IL15RA: variants seen among roughly 807,000 people sequenced by gnomAD.
IL15RA encodes the protein interleukin 15 receptor subunit alpha.
Under a neutral mutation model 24.2 loss-of-function variants are expected in IL15RA, and 26 were observed. The ratio of observed to expected loss-of-function variants is 1.07; its 90% CI spans 0.79 to 1.49. The LOEUF (loss-of-function observed/expected upper bound fraction) is 1.49. IL15RA is among the 40% of genes most tolerant of loss of function. IL15RA has a pLI of 0.00. For missense variants in IL15RA, 354 were observed against 356.4 expected (o/e 0.99, Z 0.05); for synonymous variants, 166 against 157.6 (o/e 1.05, Z -0.40).
Position 5,961,827 on chromosome 10 carries a change from G to T in IL15RA, c.383-1260C>A, listed in dbSNP as rs531356997. Among the ~76,000 whole-genome samples the T allele has an allele frequency of 6.6e-6, 1 of 152,354 alleles. No individual in the cohort carries two copies. The highest frequency in any genetic ancestry group is 2.1e-4 in the South Asian group (1 of 4,832). On this transcript the variant is annotated intron_variant, in intron 3 of 6. Transcript: ENST00000379977. This position sits in a 1 kb window ranked among gnomAD's most constrained non-coding sequence, Gnocchi z 5.2. Reference sequence around the variant, plus strand: ...GCTGTGGCTCTCTGGACGCACTGTTGTTGCCGCGTTCCCATGGTCTCCCAG... The same window carrying T: ...GCTGTGGCTCTCTGGACGCACTGTTTTTGCCGCGTTCCCATGGTCTCCCAG...
chr10:5,963,701 G>T lies in IL15RA; in HGVS notation c.382+42C>A. 4 of 1,312,654 alleles carry T rather than the reference G, an allele frequency of 3.0e-6. No homozygotes were observed. The highest frequency in any genetic ancestry group is 4.1e-6 in the Non-Finnish European group (4 of 970,476). 81.3% of individuals were successfully genotyped at this position (1,312,654 alleles called of 1,614,324 possible). On this transcript the variant is annotated intron_variant, in intron 3 of 6. Transcript: ENST00000379977. The surrounding 1 kb of genome is among the most constrained non-coding windows in gnomAD (Gnocchi z 5.3). ...ATTGGTGAGCGGGCCTCTGGGTGTT[G>T]GGAGGGAATGAATGTCCTCGAGAAG... is the stretch of plus-strand genomic sequence containing the variant.
intron 1 of IL15RA, chr10:5,969,034 G>A: frequency 1.4e-6 from 2 of 1,464,702 alleles, no homozygotes; most frequent in Non-Finnish European, 1.8e-6. Flanking sequence ...TGTATTGTGT[G>A]TGTTTCTGGC....
chr10:5,966,312 A>G lies in IL15RA; in HGVS notation c.116T>C (p.Val39Ala), dbSNP rs756209755. 5 of 1,611,656 alleles carry G rather than the reference A, an allele frequency of 3.1e-6. No homozygotes were observed. The highest frequency in any genetic ancestry group is 4.2e-6 in the Non-Finnish European group (5 of 1,177,966). ...CTTGACCCAGATGTCTGCGTGTTCC[A>G]CGGACATGGGGGGAGGGCACGTGAT... Reference protein sequence around the residue: ...RGITCPPPMSVEHADIWVKSY... With the variant: ...RGITCPPPMSAEHADIWVKSY... Residue 39 changes from valine to alanine, a missense_variant, in exon 2 of 7, where the codon GTG (valine) becomes GCG (alanine). Val to Ala is a moderately conservative substitution (Grantham distance 64). Transcript: ENST00000379977. This position sits in a 1 kb window ranked among gnomAD's most constrained non-coding sequence, Gnocchi z 6.4.
At position 5,959,678 on chromosome 10, in the gene IL15RA, T is replaced by G; in HGVS notation, c.616+76A>C. Reference sequence around the variant, plus strand: ...CAGGGCTGTGCTGGGGCAGCGGGCCTGGGCCAGGACCACCCAGCACCCTGG... The same window carrying G: ...CAGGGCTGTGCTGGGGCAGCGGGCCGGGGCCAGGACCACCCAGCACCCTGG... On this transcript the variant is annotated intron_variant, in intron 5 of 6. Transcript: ENST00000379977. This position sits in a 1 kb window ranked among gnomAD's most constrained non-coding sequence, Gnocchi z 4.1. 7.3e-7 allele frequency: 1 copy of G among 1,376,000 alleles called. No individual in the cohort carries two copies. Among genetic ancestry groups the G allele is most frequent in the Non-Finnish European group, 1.0e-6 (1 of 966,104 alleles). The allele number at this position is 1,376,000 out of a possible 1,614,324, so 85.2% of individuals were successfully genotyped here.
rs1481917651 is a variant in IL15RA at position 5,960,558 on chromosome 10, G to A, written c.392C>T (p.Ala131Val). 1.2e-6 allele frequency: 2 copies of A among 1,613,976 alleles called. No homozygotes were observed. Residue 131 changes from alanine (A) to valine (V), a missense_variant, in exon 4 of 7, where the codon GCT becomes GTT. Ala to Val is a moderately conservative substitution (Grantham distance 64). Transcript: ENST00000379977. This position sits in a 1 kb window ranked among gnomAD's most constrained non-coding sequence, Gnocchi z 5.1. ...TGTGTTGTTTGAGCTGGGAGATGAA[G>A]CTGCGGGCTCTGTAGGAGAGTCCAA... ...SLSPSGKEPA[A>V]SSPSSNNTAA... is the part of the protein sequence containing the mutation.
At position 5,963,924 on chromosome 10, in the gene IL15RA, T is replaced by A; in HGVS notation, c.284-83A>T. ...TTCAGAACGGGATACAAATAAAATA[T>A]ATCAACACATGAACTTACAGTGGAG... is the stretch of plus-strand genomic sequence containing the variant. On this transcript the variant is annotated intron_variant, in intron 2 of 6. Transcript: ENST00000379977. The surrounding 1 kb of genome is among the most constrained non-coding windows in gnomAD (Gnocchi z 5.3). 1 of 808,896 alleles carries A rather than the reference T, an allele frequency of 1.2e-6. No homozygotes were observed. The highest frequency in any genetic ancestry group is 1.8e-5 in the South Asian group (1 of 54,180). 50.1% of individuals were successfully genotyped at this position (808,896 alleles called of 1,614,324 possible). A position where few individuals can be genotyped will look rare whatever the true frequency, so the allele number is the denominator to read the frequency against.
At chr10:5,949,016 C>A (rs181386400), downstream of IL15RA, 209 of 332,628 alleles carry the variant, frequency 6.3e-4, 1 homozygote, top group African/African-American at 3.0e-3. This position sits in a 1 kb window ranked among gnomAD's most constrained non-coding sequence, Gnocchi z 4.4. Context: ...TGTAAAATGG[C>A]GCTGAGATGA....
In IL15RA at chr10:5,954,353, C is replaced by G. The variant is rs190306352; in HGVS notation, c.693-1147G>C. 1.2e-3 allele frequency among the ~76,000 whole-genome samples: 182 copies of G among 152,202 alleles called. 3 individuals carry two copies. The highest frequency in any genetic ancestry group is 4.1e-3 in the African/African-American group (172 of 41,510). On this transcript the variant is annotated intron_variant, in intron 6 of 6. Coordinates refer to ENST00000379977, the MANE Select transcript of IL15RA (RefSeq NM_002189.4). ...GGTCACAAAAAAAGCGATGCATGCACTTCAGCCTCCCAAAGTGCTGGGATT... is the reference window on the plus strand; with the variant it reads ...GGTCACAAAAAAAGCGATGCATGCAGTTCAGCCTCCCAAAGTGCTGGGATT...
chr10:5,954,269 C>T (rs776266436), intron 6 of IL15RA, among the ~76,000 whole-genome samples: 1 of 150,790 alleles, frequency 6.6e-6, no homozygotes, highest in South Asian at 2.1e-4. Flanking sequence ...CAGACAACCA[C>T]GCCCAGCTAA....
In IL15RA at chr10:5,968,234, C is replaced by G. The variant is rs8177680; in HGVS notation, c.89-1895G>C. 0.01 allele frequency among the ~76,000 whole-genome samples: 1,549 copies of G among 152,256 alleles called. 32 individuals carry two copies. Among genetic ancestry groups the G allele is most frequent in the African/African-American group, 0.035 (1,461 of 41,530 alleles). ...ACACAGTGGGTGAGTCACAAGAGAG[C>G]CATCACCTAAGTCCACACAAAAACA... On this transcript the variant is annotated intron_variant, in intron 1 of 6. Coordinates refer to ENST00000379977, the MANE Select transcript of IL15RA (RefSeq NM_002189.4). The surrounding 1 kb of genome is among the most constrained non-coding windows in gnomAD (Gnocchi z 5.4).
chr10:5,961,258 C>T lies in IL15RA; in HGVS notation c.383-691G>A, dbSNP rs565400185. 1.4e-4 allele frequency among the ~76,000 whole-genome samples: 21 copies of T among 152,210 alleles called. No individual in the cohort carries two copies. Among genetic ancestry groups the T allele is most frequent in the Admixed American group, 4.6e-4 (7 of 15,294 alleles). ...AAAAATAAGAATAACGATAAATTATCCAGGTGTGGTGGGCATGTGCCTATA... is the reference window on the plus strand; with the variant it reads ...AAAAATAAGAATAACGATAAATTATTCAGGTGTGGTGGGCATGTGCCTATA... On this transcript the variant is annotated intron_variant, in intron 3 of 6. Coordinates refer to ENST00000379977, the MANE Select transcript of IL15RA (RefSeq NM_002189.4). The surrounding 1 kb of genome is among the most constrained non-coding windows in gnomAD (Gnocchi z 5.2).
At chr10:5,974,103 G>A (rs1006699061) in intron 1 of IL15RA, among the ~76,000 whole-genome samples, 1 of 152,110 alleles carries the variant, frequency 6.6e-6, no homozygotes, top group Non-Finnish European at 1.5e-5. Flanking sequence ...GGGTTCAAGC[G>A]ATTCTCCTGC....
At chr10:5,977,114 C>A in intron 1 of IL15RA, 1 of 295,652 alleles carries the variant, frequency 3.4e-6, no homozygotes, top group Non-Finnish European at 6.2e-6. Context: ...AAACGGGCTT[C>A]TCAGAACTGC....
chr10:5,964,925 C>T lies in IL15RA; in HGVS notation c.284-1084G>A, dbSNP rs1237033277. Among the ~76,000 whole-genome samples, 7 of 152,226 alleles carry T rather than the reference C, an allele frequency of 4.6e-5. No individual in the cohort carries two copies. The highest frequency in any genetic ancestry group is 2.4e-5 in the African/African-American group (1 of 41,460). On this transcript the variant is annotated intron_variant, in intron 2 of 6. Coordinates refer to ENST00000379977, the MANE Select transcript of IL15RA (RefSeq NM_002189.4). The surrounding 1 kb of genome is among the most constrained non-coding windows in gnomAD (Gnocchi z 5.6). ...TTTCTTGGAACAAGTCGGAGGCTTC[C>T]TCCCTGCCTTCCCTCTGCTGCCTGT...
chr10:5,966,074 T>TG lies in IL15RA; in HGVS notation c.283+70dup. 9.3e-7 allele frequency: 1 copy of TG among 1,070,280 alleles called. No individual in the cohort carries two copies. Among genetic ancestry groups the TG allele is most frequent in the East Asian group, 2.4e-5 (1 of 40,854 alleles). 66.3% of individuals were successfully genotyped at this position (1,070,280 alleles called of 1,614,324 possible). On this transcript the variant is annotated intron_variant, in intron 2 of 6. Coordinates refer to ENST00000379977, the MANE Select transcript of IL15RA (RefSeq NM_002189.4). The surrounding 1 kb of genome is among the most constrained non-coding windows in gnomAD (Gnocchi z 6.4). ...AGCACAGATCCCTTGACCCCTGAGA[T>TG]GGGGTCTTCTCTCTGTGCAGCCTTG...
In IL15RA at chr10:5,961,117, G is replaced by A. The variant is rs1020827974; in HGVS notation, c.383-550C>T. Among the ~76,000 whole-genome samples, 4 of 152,094 alleles carry A rather than the reference G, an allele frequency of 2.6e-5. No individual in the cohort carries two copies. Among genetic ancestry groups the A allele is most frequent in the African/African-American group, 9.7e-5 (4 of 41,394 alleles). On this transcript the variant is annotated intron_variant, in intron 3 of 6. Transcript: ENST00000379977. This position sits in a 1 kb window ranked among gnomAD's most constrained non-coding sequence, Gnocchi z 5.2. The stretch of plus-strand genomic sequence containing the variant: ...TTTAATAGAGATGGGGTTTCACCAC[G>A]TTGGCCAGGCCGGTCTCAAACTCCT...
chr10:5,956,804 C>T (rs1036217910), intron 5 of IL15RA, among the ~76,000 whole-genome samples: 9 of 152,296 alleles, frequency 5.9e-5, no homozygotes, highest in African/African-American at 1.7e-4. Context: ...GAGAGCATTC[C>T]TGCTGCTAAA....
intron 1 of IL15RA, among the ~76,000 whole-genome samples, chr10:5,969,643 C>T (rs1258542480): frequency 1.3e-5 from 2 of 152,170 alleles, no homozygotes; most frequent in African/African-American, 2.4e-5. Context: ...GGATTACAGG[C>T]GTGAGCCACC....
chr10:5,960,529 C>A lies in IL15RA; in HGVS notation c.421G>T (p.Ala141Ser). The A allele has an allele frequency of 1.2e-6, 2 of 1,614,116 alleles. No individual in the cohort carries two copies. Among genetic ancestry groups the A allele is most frequent in the Non-Finnish European group, 1.7e-6 (2 of 1,180,016 alleles). The change falls in exon 4 of 7, where the codon GCC becomes TCC. Residue 141 changes from alanine (A) to serine (S), a missense_variant. Coordinates refer to ENST00000379977, the MANE Select transcript of IL15RA (RefSeq NM_002189.4). The surrounding 1 kb of genome is among the most constrained non-coding windows in gnomAD (Gnocchi z 5.1). Reference protein sequence around the residue: ...ASSPSSNNTAATTAAIVPGSQ... With the variant: ...ASSPSSNNTASTTAAIVPGSQ... ...CCCGGGACAATAGCTGCTGTTGTGG[C>A]CGCTGTGTTGTTTGAGCTGGGAGAT...
Sources: gnomAD v4.1 joint callset for allele counts (sites outside exome capture counted in the v4.1 genomes callset) on GRCh38, gnomAD v4.1.1 for gene constraint, Gnocchi (gnomAD v3.1) non-coding constraint, MANE v1.5 for transcripts, NCBI Gene and HGNC (gene_info 2026-07-23, HGNC 2026-07-21) for gene names.